The following NCAM2 variants were observed in gnomAD, a reference collection of about 807,000 sequenced individuals.
NCAM2 encodes N-CAM-2.
NCAM2 carries 30 observed loss-of-function variants against 98.1 expected under a neutral mutation model. The ratio of observed to expected loss-of-function variants is 0.31; its 90% CI spans 0.23 to 0.41. The LOEUF (loss-of-function observed/expected upper bound fraction) is 0.41. Among genes scored for constraint, NCAM2 ranks in the 10% least tolerant of loss-of-function variants. The pLI, the probability that NCAM2 is intolerant of heterozygous loss-of-function variation, is 1.00. For missense variants in NCAM2, 867 were observed against 1,005.8 expected, an observed-to-expected ratio of 0.86 and a Z score of 1.87; for synonymous variants, 368 against 342.4, an observed-to-expected ratio of 1.07 and a Z score of -0.83.
chr21:21,316,843 C>T (rs1195894135), intron 5 of NCAM2, among the ~76,000 whole-genome samples: 1 of 152,140 alleles, frequency 6.6e-6, no homozygotes, highest in Non-Finnish European at 1.5e-5. Context: ...CGCGCCCGGC[C>T]ATATTTATTC....
chr21:21,004,414 A>G (rs376766715), intron 1 of NCAM2, among the ~76,000 whole-genome samples: 3 of 152,146 alleles, frequency 2.0e-5, no homozygotes, highest in Non-Finnish European at 2.9e-5. Flanking sequence ...CGATTTGCCT[A>G]TATCACTTAT....
intron 1 of NCAM2, among the ~76,000 whole-genome samples, chr21:21,000,587 G>T (rs2064001395): frequency 6.6e-6 from 1 of 152,166 alleles, no homozygotes; most frequent in African/African-American, 2.4e-5. Context: ...TCTGAGACAA[G>T]CATCTCTGAA....
intron 10 of NCAM2, among the ~76,000 whole-genome samples, chr21:21,415,426 C>T (rs1315511524): frequency 1.3e-5 from 2 of 148,802 alleles, no homozygotes; most frequent in East Asian, 2.0e-4. Context: ...AGCTCTGCCT[C>T]CCGGGTTCAC....
Position 21,163,732 on chromosome 21 carries a change from C to A in NCAM2, c.56-116846C>A, listed in dbSNP as rs118002002. 9.8e-3 allele frequency among the ~76,000 whole-genome samples: 1,492 copies of A among 152,200 alleles called. 62 individuals carry two copies. The East Asian group carries it at 0.15, about 15-fold the overall frequency. On this transcript the variant is annotated intron_variant, in intron 1 of 17. Transcript: ENST00000400546. The stretch of plus-strand genomic sequence containing the variant: ...AATTTACATGTGTTATCTATGTAAT[C>A]ATTACTAAAATGTTAAAAGAGAAAT...
Position 21,247,022 on chromosome 21 carries a change from G to GC in NCAM2, c.56-33556_56-33555insC, listed in dbSNP as rs1265308259. On this transcript the variant is annotated intron_variant, in intron 1 of 17. Coordinates refer to ENST00000400546, the MANE Select transcript of NCAM2 (RefSeq NM_004540.5). Reference sequence around the variant, plus strand: ...TAGTCTGTCTCATAGAGTTTAATATGTTTAAAAAAAATTTAGACTAGGCGC... The same window carrying GC: ...TAGTCTGTCTCATAGAGTTTAATATGCTTTAAAAAAAATTTAGACTAGGCGC... Among the ~76,000 whole-genome samples the GC allele has an allele frequency of 9.8e-4, 9 of 9,206 alleles. No individual in the cohort carries two copies. In the Non-Finnish European group the frequency reaches 0.018, roughly 18 times the overall value. The allele number at this position is 9,206 out of a possible 152,430, so 6.0% of individuals were successfully genotyped here. A position where few individuals can be genotyped will look rare whatever the true frequency, so the allele number is the denominator to read the frequency against.
intron 1 of NCAM2, among the ~76,000 whole-genome samples, chr21:21,021,627 T>C (rs2064438814): frequency 6.6e-6 from 1 of 152,194 alleles, no homozygotes; most frequent in Non-Finnish European, 1.5e-5. Context: ...AGGGGTAGCT[T>C]TTTTAATCTT....
chr21:21,347,449 G>C (rs1301322902), intron 8 of NCAM2, among the ~76,000 whole-genome samples: 1 of 151,766 alleles, frequency 6.6e-6, no homozygotes, highest in Admixed American at 6.6e-5. Context: ...AAACAGCATG[G>C]TACAGGAAGA....
At chr21:21,238,359 T>G (rs1281960955) in intron 1 of NCAM2, among the ~76,000 whole-genome samples, 1 of 152,208 alleles carries the variant, frequency 6.6e-6, no homozygotes, top group African/African-American at 2.4e-5. Context: ...AAATAATACA[T>G]ACATTTATTT....
chr21:21,131,954 C>G (rs946684629), intron 1 of NCAM2, among the ~76,000 whole-genome samples: 1 of 152,104 alleles, frequency 6.6e-6, no homozygotes, highest in African/African-American at 2.4e-5. Context: ...AGCTTAAAAA[C>G]CACACAAATA....
At chr21:21,138,039 A>G (rs903833613) in intron 1 of NCAM2, among the ~76,000 whole-genome samples, 2 of 152,160 alleles carry the variant, frequency 1.3e-5, no homozygotes, top group African/African-American at 2.4e-5. Context: ...TAGCATTTAT[A>G]TCTGAGGAAC....
At chr21:21,261,412 A>T (rs1483050165) in intron 1 of NCAM2, among the ~76,000 whole-genome samples, 1 of 152,128 alleles carries the variant, frequency 6.6e-6, no homozygotes, top group African/African-American at 2.4e-5. Flanking sequence ...TCATCTGTGC[A>T]TGGGGCACTC....
At chr21:21,239,242 T>C (rs756953723) in intron 1 of NCAM2, 2 of 152,172 alleles carry the variant, frequency 1.3e-5, no homozygotes, top group African/African-American at 2.4e-5. Context: ...ATTAAAAATA[T>C]ATATAAAATG....
In NCAM2 at chr21:21,474,618, T is replaced by C. The variant is rs115194549; in HGVS notation, c.1897-2673T>C. On this transcript the variant is annotated intron_variant, in intron 14 of 17. Coordinates refer to ENST00000400546, the MANE Select transcript of NCAM2 (RefSeq NM_004540.5). Reference sequence around the variant, plus strand: ...TGAATTCCAAGTATTTCCACAAAAATATTTACTCACATCAACCACTTCATC... The same window carrying C: ...TGAATTCCAAGTATTTCCACAAAAACATTTACTCACATCAACCACTTCATC... Among the ~76,000 whole-genome samples the C allele has an allele frequency of 3.7e-3, 555 of 152,048 alleles. 5 individuals are homozygous for C. The highest frequency in any genetic ancestry group is 0.012 in the African/African-American group (496 of 41,484).
chr21:21,010,554 G>GC (rs1410283950), intron 1 of NCAM2, among the ~76,000 whole-genome samples: 4 of 151,976 alleles, frequency 2.6e-5, no homozygotes, highest in Non-Finnish European at 5.9e-5. Flanking sequence ...TTAATACAGC[G>GC]ATTGTTTGAT....
intron 1 of NCAM2, among the ~76,000 whole-genome samples, chr21:21,131,342 C>T (rs966894391): frequency 4.0e-5 from 6 of 151,864 alleles, no homozygotes; most frequent in African/African-American, 7.3e-5. Context: ...GGCATGATCT[C>T]AGCTCACTGC....
chr21:21,508,840 T>TTTC lies in NCAM2; in HGVS notation c.2078-11_2078-10insTTC, dbSNP rs1555909861. 1 of 907,126 alleles carries TTTC rather than the reference T, an allele frequency of 1.1e-6. No homozygotes were observed. Among genetic ancestry groups the TTTC allele is most frequent in the Non-Finnish European group, 1.5e-6 (1 of 674,150 alleles). The allele number at this position is 907,126 out of a possible 1,614,324, so 56.2% of individuals were successfully genotyped here. On this transcript the variant is annotated splice_polypyrimidine_tract_variant and intron_variant, in intron 15 of 17. Coordinates refer to ENST00000400546, the MANE Select transcript of NCAM2 (RefSeq NM_004540.5). ...TTTTTTTTTTTTTTTTTTTTTTTTT[T>TTTC]ACTTTTTAAGACACGCTGTTTAATG...
At chr21:21,267,620 C>G (rs1370362765) in intron 1 of NCAM2, among the ~76,000 whole-genome samples, 1 of 152,088 alleles carries the variant, frequency 6.6e-6, no homozygotes. Flanking sequence ...GCAATCTCCA[C>G]TCAGAGGTGT....
intron 1 of NCAM2, among the ~76,000 whole-genome samples, chr21:21,152,187 A>C (rs1158510118): frequency 6.6e-6 from 1 of 151,940 alleles, no homozygotes; most frequent in Non-Finnish European, 1.5e-5. Context: ...GTGATGTCCT[A>C]AAGTTTACTA....
intron 8 of NCAM2, among the ~76,000 whole-genome samples, chr21:21,353,823 G>A (rs181084123): frequency 2.9e-4 from 44 of 152,142 alleles, no homozygotes; most frequent in African/African-American, 9.2e-4. Context: ...CCTAAATAGG[G>A]CATTAAGGTA....
Sources: allele counts gnomAD v4.1 joint callset (sites outside exome capture counted in the v4.1 genomes callset), GRCh38; gene constraint gnomAD v4.1.1; transcripts MANE v1.5; gene names NCBI Gene and HGNC (gene_info 2026-07-23, HGNC 2026-07-21).